Variants in TENM1 observed in about 807,000 individuals in gnomAD.
TENM1 encodes teneurin-1.
In TENM1, 35 loss-of-function variants were observed where a neutral mutation model predicts 174.8. The ratio of observed to expected loss-of-function variants is 0.20; its 90% CI spans 0.15 to 0.27. The LOEUF is 0.27. Among genes scored for constraint, TENM1 ranks in the 10% least tolerant of loss-of-function variants. The pLI is 1.00. For synonymous variants in TENM1, 781 were observed against 798.7 expected, an observed-to-expected ratio of 0.98 and a Z score of 0.37; for missense variants, 1,633 against 2,130.1, an observed-to-expected ratio of 0.77 and a Z score of 4.59.
chrX:125,139,674 G>A, the TENM1 span, among the ~76,000 whole-genome samples: 1 of 110,870 alleles, frequency 9.0e-6, no homozygotes, highest in African/African-American at 3.3e-5. Flanking sequence ...CTGGAATAAT[G>A]CATACTAGAA....
intron 5 of TENM1, among the ~76,000 whole-genome samples, chrX:124,687,312 C>T (rs1331498459): frequency 9.0e-6 from 1 of 111,313 alleles, no homozygotes; most frequent in Non-Finnish European, 1.9e-5. Context: ...CGACAAATCT[C>T]ACAAAAACAA....
chrX:124,573,145 CA>C (rs2049092976), intron 11 of TENM1, among the ~76,000 whole-genome samples: 1 of 111,588 alleles, frequency 9.0e-6, no homozygotes, highest in Admixed American at 9.6e-5. Context: ...TATATTTATG[CA>C]GTGCAAAAAA....
chrX:125,058,198 T>A, the TENM1 span, among the ~76,000 whole-genome samples: 1 of 111,283 alleles, frequency 9.0e-6, no homozygotes, highest in African/African-American at 3.3e-5. Context: ...AAAGCACACA[T>A]AAAATTGATA....
At chrX:125,016,209 C>T in the TENM1 span, among the ~76,000 whole-genome samples, 21 of 111,020 alleles carry the variant, frequency 1.9e-4, no homozygotes, top group African/African-American at 5.9e-4. Flanking sequence ...GAAGTTCTGG[C>T]CAGGGCAACC....
chrX:124,769,763 C>T (rs969304539), intron 3 of TENM1, among the ~76,000 whole-genome samples: 1 of 112,005 alleles, frequency 8.9e-6, no homozygotes. Context: ...CAATGTGTAT[C>T]TATCTGACTG....
At chrX:124,977,426 T>A in the TENM1 span, among the ~76,000 whole-genome samples, 2 of 111,762 alleles carry the variant, frequency 1.8e-5, no homozygotes, top group African/African-American at 3.2e-5. Context: ...GTTTTTGTTG[T>A]TGATATGTTT....
At chrX:124,856,067 ATAT>A (rs1375432151) in intron 3 of TENM1, among the ~76,000 whole-genome samples, 1 of 110,641 alleles carries the variant, frequency 9.0e-6, no homozygotes, top group Admixed American at 9.6e-5. Context: ...AACACATGTA[ATAT>A]TATCATATTG....
the TENM1 span, among the ~76,000 whole-genome samples, chrX:125,095,068 A>G: frequency 8.9e-6 from 1 of 111,892 alleles, no homozygotes. Flanking sequence ...ACTGATATTT[A>G]GACACATAAA....
At chrX:124,547,028 G>A (rs1320822623) in exon 15 of TENM1, 1 of 1,211,715 alleles carries the variant, frequency 8.3e-7, no homozygotes, top group Admixed American at 2.2e-5. Context: ...CCCTGGCAGA[G>A]AGGACTTATA....
chrX:124,992,106 A>T, the TENM1 span, among the ~76,000 whole-genome samples: 2 of 111,065 alleles, frequency 1.8e-5, no homozygotes, highest in Non-Finnish European at 3.8e-5. Flanking sequence ...CTACCAAAAT[A>T]CCTGAATATC....
intron 4 of TENM1, among the ~76,000 whole-genome samples, chrX:124,705,768 T>C (rs2052887438): frequency 8.9e-6 from 1 of 112,422 alleles, no homozygotes; most frequent in Non-Finnish European, 1.9e-5. Context: ...AACAATCACA[T>C]ACTCACTAAC....
the TENM1 span, among the ~76,000 whole-genome samples, chrX:125,200,934 T>C: frequency 9.0e-6 from 1 of 111,569 alleles, no homozygotes; most frequent in Admixed American, 9.6e-5. Flanking sequence ...AAGCAAAAAT[T>C]ATATGGACTC....
intron 11 of TENM1, among the ~76,000 whole-genome samples, chrX:124,638,717 C>T (rs1161066920): frequency 1.8e-5 from 2 of 111,247 alleles, no homozygotes; most frequent in Non-Finnish European, 3.8e-5. Context: ...ACTATCAACC[C>T]CTCGCTGGCC....
intron 3 of TENM1, among the ~76,000 whole-genome samples, chrX:124,765,239 T>C (rs752196026): frequency 1.8e-5 from 2 of 112,159 alleles, no homozygotes; most frequent in Non-Finnish European, 1.9e-5. Context: ...TAGAGCTTGG[T>C]TCATTTTCAG....
chrX:124,950,793 C>T (rs771900036), intron 1 of TENM1, among the ~76,000 whole-genome samples: 1 of 111,669 alleles, frequency 9.0e-6, no homozygotes, highest in East Asian at 2.8e-4. Context: ...GTGCTATGAA[C>T]TTTGGTTCCG....
Position 124,507,026 on chromosome X carries a change from C to T in TENM1, c.3302-3323G>A, listed in dbSNP as rs200767224. Among the ~76,000 whole-genome samples the T allele has an allele frequency of 3.1e-4, 35 of 111,298 alleles. No homozygotes were observed. The East Asian group carries it at 8.2e-3, about 26-fold the overall frequency. Reference sequence around the variant, plus strand: ...TTCCCAGGCGGCCTGTTGTCTATCACGTCTGATCATCAACATAGCATGGTA... The same window carrying T: ...TTCCCAGGCGGCCTGTTGTCTATCATGTCTGATCATCAACATAGCATGGTA... On this transcript the variant is annotated intron_variant, in intron 18 of 31. Transcript: ENST00000422452.
chrX:124,386,456 G>A (rs1275712593), intron 28 of TENM1, among the ~76,000 whole-genome samples: 2 of 111,191 alleles, frequency 1.8e-5, no homozygotes, highest in Admixed American at 9.6e-5. Flanking sequence ...GCAGGGAGCC[G>A]GGGGCAGGGG....
the TENM1 span, among the ~76,000 whole-genome samples, chrX:125,040,664 G>A: frequency 9.0e-6 from 1 of 110,807 alleles, no homozygotes; most frequent in Non-Finnish European, 1.9e-5. Context: ...CTCCTAATTA[G>A]CAAAACATAC....
At chrX:125,155,646 G>A in the TENM1 span, among the ~76,000 whole-genome samples, 4 of 100,074 alleles carry the variant, frequency 4.0e-5, no homozygotes, top group Admixed American at 2.2e-4. Flanking sequence ...AAGGCCTGGC[G>A]AGAAATCGAG....
Sources: allele counts gnomAD v4.1 joint callset (sites outside exome capture counted in the v4.1 genomes callset), GRCh38; gene constraint gnomAD v4.1.1; transcripts MANE v1.5; gene names NCBI Gene and HGNC (gene_info 2026-07-23, HGNC 2026-07-21).